The following MUC17 variants were observed in gnomAD, a reference collection of about 807,000 sequenced individuals.
MUC17 encodes the protein mucin 17, cell surface associated.
MUC17 carries 190 observed loss-of-function variants against 170.3 expected under a neutral mutation model. That is an observed-to-expected ratio of 1.12 (90% CI 0.99 to 1.26). The LOEUF is 1.26. Among genes scored for constraint, MUC17 ranks in the 50% most tolerant of loss-of-function variants. The pLI, the probability that MUC17 is intolerant of heterozygous loss-of-function variation, is 0.00. For synonymous variants in MUC17, 2,325 were observed against 2,002.5 expected, an observed-to-expected ratio of 1.16 and a Z score of -4.30; for missense variants, 6,415 against 5,530.0, an observed-to-expected ratio of 1.16 and a Z score of -5.08.
At chr7:101,047,911 A>T in intron 3 of MUC17, 73 bp from the exon 4 acceptor site, 3 of 1,473,386 alleles carry the variant, frequency 2.0e-6, no homozygotes, top group Non-Finnish European at 2.7e-6. Flanking sequence ...TAACCACAGT[A>T]GATCCCTGCT....
chr7:101,043,292 G>A lies in MUC17; in HGVS notation c.11876G>A (p.Gly3959Asp), dbSNP rs1429532774. ...STADVFPATT[G>D]AVSTPVITST... ...GCTGATGTCTTTCCTGCAACAACTG[G>A]TGCTGTATCTACCCCTGTGATAACT... Residue 3959 changes from glycine to aspartate, a missense_variant, in exon 3 of 13, where the codon GGT (glycine) becomes GAT (aspartate). By Grantham distance (94) the Gly-to-Asp change is moderately conservative. Transcript: ENST00000306151. 6.2e-7 allele frequency: 1 copy of A among 1,614,052 alleles called. No homozygotes were observed. Among genetic ancestry groups the A allele is most frequent in the Non-Finnish European group, 8.5e-7 (1 of 1,180,030 alleles).
At chr7:101,044,198 T>G (rs1794794702) in intron 3 of MUC17, among the ~76,000 whole-genome samples, 1 of 152,140 alleles carries the variant, frequency 6.6e-6, no homozygotes, top group Non-Finnish European at 1.5e-5. Context: ...TGCATAGTAT[T>G]CCATGGAGTG....
In MUC17 at chr7:101,041,805, G is replaced by T. The variant is rs1186114457; in HGVS notation, c.10389G>T (p.Met3463Ile). ...AAGGAAGCACTCCATTATCAATTAT[G>T]CCTCTCAGTACCACGCCGGTGGCCA... is the stretch of plus-strand genomic sequence containing the variant. ...TSEGSTPLSI[M>I]PLSTTPVASS... Residue 3463 changes from methionine (M) to isoleucine (I), a missense_variant, in exon 3 of 13, where the codon ATG (methionine) becomes ATT (isoleucine). Coordinates refer to ENST00000306151, the MANE Select transcript of MUC17 (RefSeq NM_001040105.2). 2 of 1,613,470 alleles carry T rather than the reference G, an allele frequency of 1.2e-6. No homozygotes were observed. The highest frequency in any genetic ancestry group is 2.7e-5 in the African/African-American group (2 of 74,674).
chr7:101,021,400 C>T (rs993097318), intron 1 of MUC17, among the ~76,000 whole-genome samples: 1 of 152,088 alleles, frequency 6.6e-6, no homozygotes, highest in African/African-American at 2.4e-5. Context: ...GTTAACCGGG[C>T]TGGTCTCAAA....
At position 101,034,964 on chromosome 7, in the gene MUC17, C is replaced by A; in HGVS notation, c.3548C>A (p.Thr1183Asn). The stretch of plus-strand genomic sequence containing the variant: ...TCTGAGGCTAACACCCTTTCAACAA[C>A]TCCTGTGGACTCCAAAACTCAGGTG... ...VSSEANTLST[T>N]PVDSKTQVAT... Residue 1183 changes from threonine (T) to asparagine (N), a missense_variant, in exon 3 of 13, where the codon ACT (threonine) becomes AAT (asparagine). By Grantham distance (65) the Thr-to-Asn change is moderately conservative. Transcript: ENST00000306151. 1 of 1,614,134 alleles carries A rather than the reference C, an allele frequency of 6.2e-7. No homozygotes were observed. Among genetic ancestry groups the A allele is most frequent in the Non-Finnish European group, 8.5e-7 (1 of 1,180,002 alleles).
chr7:101,024,635 T>C (rs1447909847), intron 1 of MUC17, among the ~76,000 whole-genome samples: 1 of 151,808 alleles, frequency 6.6e-6, no homozygotes, highest in African/African-American at 2.4e-5. Context: ...GGCTTCAACA[T>C]GAACAATCTA....
Position 101,043,592 on chromosome 7 carries a change from C to A in MUC17, c.12176C>A (p.Ser4059Tyr). The A allele has an allele frequency of 6.2e-7, 1 of 1,614,166 alleles. No homozygotes were observed. The highest frequency in any genetic ancestry group is 8.5e-7 in the Non-Finnish European group (1 of 1,180,022). The change falls in exon 3 of 13, where the codon TCT becomes TAT. Residue 4059 changes from serine to tyrosine, a missense_variant. Physicochemically the swap from Ser to Tyr is moderately radical, Grantham distance 144. Transcript: ENST00000306151. The part of the protein sequence containing the change: ...SESSRPSTIT[S>Y]HTIPPTFPPA... ...TCCAGCAGGCCGTCAACAATTACTTCTCACACCATCCCACCTACATTTCCT... is the reference window on the plus strand; with the variant it reads ...TCCAGCAGGCCGTCAACAATTACTTATCACACCATCCCACCTACATTTCCT...
chr7:101,044,046 T>G (rs1488722336), intron 3 of MUC17, among the ~76,000 whole-genome samples: 1 of 152,190 alleles, frequency 6.6e-6, no homozygotes, highest in Non-Finnish European at 1.5e-5. Context: ...TGTGTCCAAG[T>G]GTTCTCATTG....
intron 12 of MUC17, among the ~76,000 whole-genome samples, chr7:101,057,381 C>A (rs892245830): frequency 3.3e-5 from 5 of 152,186 alleles, no homozygotes; most frequent in Non-Finnish European, 7.3e-5. Flanking sequence ...TAACTGTAAA[C>A]CTACCTGGCG....
At position 101,058,227 on chromosome 7, in the gene MUC17, A is replaced by C; in HGVS notation, c.*183A>C. 1 of 480,842 alleles carries C rather than the reference A, an allele frequency of 2.1e-6. No homozygotes were observed. Among genetic ancestry groups the C allele is most frequent in the Admixed American group, 3.5e-5 (1 of 28,870 alleles). The allele number at this position is 480,842 out of a possible 1,614,324, so 29.8% of individuals were successfully genotyped here. On this transcript the variant is annotated 3_prime_UTR_variant, in exon 13 of 13. Transcript: ENST00000306151. ...AGTGCTGGGAGATTCTCAAATAGAA[A>C]CCCGTGGACGCTCCAATGGGCTTGT...
intron 9 of MUC17, among the ~76,000 whole-genome samples, chr7:101,052,600 A>C (rs957176164): frequency 2.0e-5 from 3 of 152,076 alleles, no homozygotes; most frequent in Non-Finnish European, 4.4e-5. Context: ...GGAGCTCTGG[A>C]TCAGGGCTGC....
Position 101,031,838 on chromosome 7 carries a change from C to G in MUC17, c.422C>G (p.Thr141Ser). The change falls in exon 3 of 13, where the codon ACT (threonine) becomes AGT (serine). Residue 141 changes from threonine to serine, a missense_variant. Transcript: ENST00000306151. ...ACTGAAGACACTTCATCTCCTACAA[C>G]TCCTGAAGGCACCGACGTGCCCATG... ...SSTEDTSSPTTPEGTDVPMST... is the reference protein window; with the variant it reads ...SSTEDTSSPTSPEGTDVPMST... The G allele has an allele frequency of 6.2e-7, 1 of 1,614,166 alleles. No individual in the cohort carries two copies. Among genetic ancestry groups the G allele is most frequent in the Non-Finnish European group, 8.5e-7 (1 of 1,179,968 alleles).
Position 101,032,386 on chromosome 7 carries a change from A to C in MUC17, c.970A>C (p.Ile324Leu), listed in dbSNP as rs868429963. 6.2e-7 allele frequency: 1 copy of C among 1,613,742 alleles called. No individual in the cohort carries two copies. The highest frequency in any genetic ancestry group is 2.2e-5 in the East Asian group (1 of 44,874). Residue 324 changes from isoleucine to leucine, a missense_variant, in exon 3 of 13, where the codon ATA becomes CTA. Ile to Leu is a conservative substitution (Grantham distance 5). Coordinates refer to ENST00000306151, the MANE Select transcript of MUC17 (RefSeq NM_001040105.2). ...SSPTTAEGTS[I>L]PTSTYTEGST... ...TCCTACAACGGCTGAAGGCACCAGCATACCAACCTCAACTTATACTGAAGG... is the reference window on the plus strand; with the variant it reads ...TCCTACAACGGCTGAAGGCACCAGCCTACCAACCTCAACTTATACTGAAGG...
rs766123648 is a variant in MUC17 at position 101,039,348 on chromosome 7, A to T, written c.7932A>T (p.Pro2644=). 31 of 1,608,514 alleles carry T rather than the reference A, an allele frequency of 1.9e-5. 1 individual carries two copies. In the Admixed American group the frequency reaches 2.5e-4, roughly 13 times the overall value. Residue 2644 remains proline, a synonymous_variant, in exon 3 of 13, where the codon CCA becomes CCT. Transcript: ENST00000306151. The stretch of plus-strand genomic sequence containing the variant: ...CAAGTATACTTGTCAGCACCATGCC[A>T]GTGGCCAGTTCTGAGGCTAGCACCC... ...SLTSILVSTM[P]VASSEASTLS...
At position 101,040,820 on chromosome 7, in the gene MUC17, C is replaced by T. The variant is rs1562816507; in HGVS notation, c.9404C>T (p.Pro3135Leu). 6.2e-7 allele frequency: 1 copy of T among 1,613,806 alleles called. No homozygotes were observed. The highest frequency in any genetic ancestry group is 2.2e-5 in the East Asian group (1 of 44,872). The change falls in exon 3 of 13, where the codon CCT (proline) becomes CTT (leucine). Residue 3135 changes from proline (P) to leucine (L), a missense_variant. Coordinates refer to ENST00000306151, the MANE Select transcript of MUC17 (RefSeq NM_001040105.2). ...ACAACTCCTGTTGACACCAGCACACCTGTGACCACTTCTACTGAAGCCCAT... is the reference window on the plus strand; with the variant it reads ...ACAACTCCTGTTGACACCAGCACACTTGTGACCACTTCTACTGAAGCCCAT... ...LSTTPVDTST[P>L]VTTSTEAHSS...
intron 1 of MUC17, among the ~76,000 whole-genome samples, chr7:101,022,973 G>T (rs1005146596): frequency 6.6e-6 from 1 of 152,066 alleles, no homozygotes; most frequent in Non-Finnish European, 1.5e-5. Flanking sequence ...AGCAATCTCC[G>T]TGCCTTACAA....
At chr7:101,052,884 C>T in intron 9 of MUC17, 102 bp from the exon 10 acceptor site, 2 of 1,395,336 alleles carry the variant, frequency 1.4e-6, no homozygotes, top group Admixed American at 2.2e-5. Flanking sequence ...GCAATCTCTT[C>T]TTGCCTCCTC....
At chr7:101,045,505 C>T (rs1415651205) in intron 3 of MUC17, among the ~76,000 whole-genome samples, 2 of 151,886 alleles carry the variant, frequency 1.3e-5, no homozygotes, top group African/African-American at 2.4e-5. Flanking sequence ...GTGATTCTCT[C>T]ACCTCAACCT....
In MUC17 at chr7:101,032,760, T is replaced by C; in HGVS notation, c.1344T>C (p.Ser448=). ...EDTSIATSTP[S]EGSTPLTSMP... ...CCAGCATTGCAACCTCAACTCCTAGTGAAGGAAGCACTCCATTAACAAGTA... is the reference window on the plus strand; with the variant it reads ...CCAGCATTGCAACCTCAACTCCTAGCGAAGGAAGCACTCCATTAACAAGTA... The change falls in exon 3 of 13, where the codon AGT becomes AGC. Residue 448 remains serine (S), a synonymous_variant. Coordinates refer to ENST00000306151, the MANE Select transcript of MUC17 (RefSeq NM_001040105.2). 2 of 1,614,126 alleles carry C rather than the reference T, an allele frequency of 1.2e-6. No homozygotes were observed. Among genetic ancestry groups the C allele is most frequent in the Non-Finnish European group, 1.7e-6 (2 of 1,179,998 alleles).
Sources: allele counts gnomAD v4.1 joint callset (sites outside exome capture counted in the v4.1 genomes callset), GRCh38; gene constraint gnomAD v4.1.1; transcripts MANE v1.5; gene names NCBI Gene and HGNC (gene_info 2026-07-23, HGNC 2026-07-21).